The following EYA1 variants were observed in gnomAD, a reference collection of about 807,000 sequenced individuals.
EYA1 encodes EYA transcriptional coactivator and phosphatase 1.
Under a neutral mutation model 82.0 loss-of-function variants are expected in EYA1, and 16 were observed. That is an observed-to-expected ratio of 0.20 (90% confidence interval 0.13 to 0.30). EYA1 has a LOEUF of 0.30. Ranked by LOEUF, EYA1 falls within the 10% of genes least tolerant of loss-of-function variation. The probability of loss-of-function intolerance (pLI) is 1.00; values close to 1 mark genes in which losing one functional copy is unlikely to be tolerated. For missense variants in EYA1, 633 were observed against 730.7 expected (o/e 0.87, Z 1.54); for synonymous variants, 261 against 264.4 (o/e 0.99, Z 0.12).
At chr8:71,296,661 C>T (rs1819632201) in intron 9 of EYA1, among the ~76,000 whole-genome samples, 1 of 151,100 alleles carries the variant, frequency 6.6e-6, no homozygotes, top group Admixed American at 6.6e-5. Flanking sequence ...ATTATTCCAG[C>T]AAAAAGAGAC....
At chr8:71,456,111 T>C (rs1286895838) in intron 2 of EYA1, among the ~76,000 whole-genome samples, 6 of 151,430 alleles carry the variant, frequency 4.0e-5, no homozygotes, top group East Asian at 3.9e-4. Context: ...TATACACCAA[T>C]AACAGACAAA....
intron 2 of EYA1, among the ~76,000 whole-genome samples, chr8:71,452,671 A>G (rs1807492488): frequency 6.6e-6 from 1 of 152,260 alleles, no homozygotes; most frequent in South Asian, 2.1e-4. Context: ...TCTGGAGTGG[A>G]CCTCCAGCAA....
intron 12 of EYA1, among the ~76,000 whole-genome samples, chr8:71,229,028 C>A (rs1037436329): frequency 2.0e-5 from 3 of 152,148 alleles, no homozygotes; most frequent in African/African-American, 7.2e-5. Context: ...AGTCCATCTC[C>A]CTCAATAGAT....
Position 71,299,650 on chromosome 8 carries a change from A to G in EYA1, c.627T>C (p.Asn209=). The G allele has an allele frequency of 6.3e-7, 1 of 1,576,862 alleles. No individual in the cohort carries two copies. The highest frequency in any genetic ancestry group is 8.7e-7 in the Non-Finnish European group (1 of 1,146,866). Residue 209 remains asparagine, a synonymous_variant, in exon 8 of 18, where the codon AAT becomes AAC. Coordinates refer to ENST00000340726, the MANE Select transcript of EYA1 (RefSeq NM_000503.6). ...NNSLTNSSGF[N]SSQQDYPSYP... is the part of the protein sequence containing the mutation. ...CTTTTTAAATTACCTGCTGTGAACTATTAAATCCAGAGGAATTTGTGAGTG... is the reference window on the plus strand; with the variant it reads ...CTTTTTAAATTACCTGCTGTGAACTGTTAAATCCAGAGGAATTTGTGAGTG...
intron 2 of EYA1, among the ~76,000 whole-genome samples, chr8:71,373,634 AC>A (rs1563546752): frequency 6.6e-6 from 1 of 152,284 alleles, no homozygotes; most frequent in East Asian, 1.9e-4. Context: ...ATAGTAAAAA[AC>A]AATTCTAAAA....
chr8:71,349,180 T>G (rs566347415), intron 3 of EYA1, among the ~76,000 whole-genome samples: 4 of 152,154 alleles, frequency 2.6e-5, no homozygotes, highest in Non-Finnish European at 5.9e-5. Context: ...CAGGAAGGAC[T>G]CTCACACACT....
chr8:71,244,768 G>A, intron 11 of EYA1, 76 bp from the exon 12 acceptor site: 1 of 879,306 alleles, frequency 1.1e-6, no homozygotes, highest in Non-Finnish European at 1.9e-6. Context: ...TTAAGAGGAA[G>A]CAGGCATTGG....
intron 2 of EYA1, among the ~76,000 whole-genome samples, chr8:71,477,987 T>C (rs969675830): frequency 1.3e-5 from 2 of 152,050 alleles, no homozygotes; most frequent in East Asian, 1.9e-4. Context: ...ACAAAGGCCA[T>C]AGATACACAA....
chr8:71,223,890 T>A (rs1437700400), intron 12 of EYA1, among the ~76,000 whole-genome samples: 3 of 152,214 alleles, frequency 2.0e-5, no homozygotes, highest in African/African-American at 7.2e-5. Context: ...ACTGTAGTAG[T>A]TGTACTTTCC....
chr8:71,231,062 T>G (rs1341860603), intron 12 of EYA1, among the ~76,000 whole-genome samples: 1 of 152,200 alleles, frequency 6.6e-6, no homozygotes, highest in Non-Finnish European at 1.5e-5. Context: ...CTCCTGGGTT[T>G]TCTATCTCTA....
At chr8:71,201,328 G>A (rs896948383) in intron 17 of EYA1, among the ~76,000 whole-genome samples, 1 of 151,790 alleles carries the variant, frequency 6.6e-6, no homozygotes, top group South Asian at 2.1e-4. Flanking sequence ...CATATACCAG[G>A]TGTGACTCTG....
chr8:71,401,662 T>C (rs755605289), intron 2 of EYA1, among the ~76,000 whole-genome samples: 3 of 152,184 alleles, frequency 2.0e-5, no homozygotes, highest in Non-Finnish European at 4.4e-5. Flanking sequence ...AGTTTCTTCA[T>C]CAGTCAAATG....
chr8:71,499,067 C>A (rs7844274), intron 2 of EYA1, among the ~76,000 whole-genome samples: 50,793 of 152,040 alleles, frequency 0.33, 9,254 homozygotes, highest in African/African-American at 0.49. Context: ...CTGGGACACT[C>A]AATCAACGAG....
intron 2 of EYA1, 43 bp from the exon 3 acceptor site, chr8:71,354,952 A>G: frequency 6.2e-7 from 1 of 1,601,000 alleles, no homozygotes; most frequent in Non-Finnish European, 8.5e-7. Context: ...TACCAAATTC[A>G]TAACACCACC....
chr8:71,495,390 G>A (rs1165031486), intron 2 of EYA1, among the ~76,000 whole-genome samples: 1 of 152,100 alleles, frequency 6.6e-6, no homozygotes, highest in Non-Finnish European at 1.5e-5. Context: ...GAGGCAAGTG[G>A]ATCACTTGAG....
chr8:71,335,007 T>TCC (rs1187553003), intron 3 of EYA1, among the ~76,000 whole-genome samples: 1 of 152,176 alleles, frequency 6.6e-6, no homozygotes, highest in Non-Finnish European at 1.5e-5. Flanking sequence ...CTGCCTTTGT[T>TCC]CTCTCTAGTT....
intron 11 of EYA1, among the ~76,000 whole-genome samples, chr8:71,246,207 T>C (rs185401584): frequency 4.1e-4 from 62 of 152,332 alleles, no homozygotes; most frequent in African/African-American, 1.5e-3. Context: ...TTTTCAATTC[T>C]TCCAAAGAAC....
At chr8:71,420,554 C>A (rs1016793389) in intron 2 of EYA1, among the ~76,000 whole-genome samples, 1 of 152,076 alleles carries the variant, frequency 6.6e-6, no homozygotes, top group Admixed American at 6.6e-5. Flanking sequence ...TAAATAAAAT[C>A]TCATAAGCTG....
At chr8:71,471,183 C>T (rs79547944) in intron 2 of EYA1, among the ~76,000 whole-genome samples, 8,761 of 151,946 alleles carry the variant, frequency 0.058, 834 homozygotes, top group African/African-American at 0.2. Context: ...TCTGAATTGC[C>T]TCTTACTCTG....
Sources: gnomAD v4.1 joint callset for allele counts (sites outside exome capture counted in the v4.1 genomes callset) on GRCh38, gnomAD v4.1.1 for gene constraint, MANE v1.5 for transcripts, NCBI Gene and HGNC (gene_info 2026-07-23, HGNC 2026-07-21) for gene names.